CEP295: variants seen among roughly 807,000 people sequenced by gnomAD.
CEP295 encodes the protein centrosomal protein 295, also known as centrosomal protein of 295 kDa.
In CEP295, 190 loss-of-function variants were observed where a neutral mutation model predicts 291.6. The ratio of observed to expected loss-of-function variants is 0.65; its 90% CI spans 0.58 to 0.73. The LOEUF (loss-of-function observed/expected upper bound fraction) is 0.73. CEP295 is among the 30% of genes least tolerant of loss of function. CEP295 has a pLI of 0.00. For synonymous variants in CEP295, 993 were observed against 1,038.8 expected (o/e 0.96, Z 0.85); for missense variants, 2,863 against 2,949.4 (o/e 0.97, Z 0.68).
chr11:93,690,025 C>T (rs1951438186), intron 10 of CEP295, among the ~76,000 whole-genome samples: 1 of 152,092 alleles, frequency 6.6e-6, no homozygotes, highest in African/African-American at 2.4e-5. Context: ...ATAGCAAAGT[C>T]AGTAAAAGGA....
At chr11:93,722,952 C>T (rs1953855141) in intron 20 of CEP295, 89 bp from the exon 21 acceptor site, 3 of 1,006,752 alleles carry the variant, frequency 3.0e-6, no homozygotes, top group Non-Finnish European at 4.3e-6. Context: ...TCGTGATCCA[C>T]CCACCTCGGC....
intron 26 of CEP295, 26 bp downstream of exon 26, chr11:93,729,556 T>G: frequency 6.5e-7 from 1 of 1,549,850 alleles, no homozygotes; most frequent in South Asian, 1.2e-5. Context: ...CCTCCACACT[T>G]CTAATGGAAA....
At position 93,699,506 on chromosome 11, in the gene CEP295, C is replaced by T. The variant is rs1952022755; in HGVS notation, c.4594C>T (p.Gln1532Ter). Residue 1532 changes from glutamine (Q) to a stop codon, truncating the protein, a stop_gained, in exon 15 of 30, where the codon CAA (glutamine) becomes TAA (stop). Transcript: ENST00000325212. LOFTEE classifies it high-confidence loss of function. The stretch of plus-strand genomic sequence containing the variant: ...GGAAGTCCAAGAAGAATTGCTTTTG[C>T]AAAGATTAAGTGAATTGGAGAAAAG... ...IQEVQEELLL[Q>*]RLSELEKRVS... is the part of the protein sequence containing the mutation. The T allele has an allele frequency of 2.6e-6, 4 of 1,551,780 alleles. No individual in the cohort carries two copies. The highest frequency in any genetic ancestry group is 3.5e-6 in the Non-Finnish European group (4 of 1,147,038).
At position 93,730,032 on chromosome 11, in the gene CEP295, A is replaced by G. The variant is rs1938223330; in HGVS notation, c.7668-17A>G. The G allele has an allele frequency of 6.6e-7, 1 of 1,515,650 alleles. No homozygotes were observed. Among genetic ancestry groups the G allele is most frequent in the Admixed American group, 2.3e-5 (1 of 43,838 alleles). The allele number at this position is 1,515,650 out of a possible 1,614,324, so 93.9% of individuals were successfully genotyped here. ...TTTTGCAGTGTTTGTCTCTAATTCT[A>G]TATAAATTCTTTACAGGTTATACAA... On this transcript the variant is annotated splice_polypyrimidine_tract_variant and intron_variant, in intron 28 of 29. Coordinates refer to ENST00000325212, the MANE Select transcript of CEP295 (RefSeq NM_033395.2).
At chr11:93,708,024 ATTC>A (rs1385873152) in intron 18 of CEP295, among the ~76,000 whole-genome samples, 4 of 152,144 alleles carry the variant, frequency 2.6e-5, no homozygotes, top group South Asian at 2.1e-4. Flanking sequence ...AAAACAGATT[ATTC>A]TTTTTTTAAT....
chr11:93,698,436 T>TA lies in CEP295; in HGVS notation c.3526dup (p.Ile1176AsnfsTer5), dbSNP rs1275274969. The TA allele has an allele frequency of 6.4e-7, 1 of 1,551,940 alleles. No homozygotes were observed. The highest frequency in any genetic ancestry group is 8.7e-7 in the Non-Finnish European group (1 of 1,147,016). On this transcript the variant is annotated frameshift_variant, in exon 15 of 30. Transcript: ENST00000325212. LOFTEE classifies it high-confidence loss of function. Reference sequence around the variant, plus strand: ...CAAGAACAGTCACAAATACAAAGGGTAATACTTGGTGCTAAAGAAGGAACT... The same window carrying TA: ...CAAGAACAGTCACAAATACAAAGGGTAAATACTTGGTGCTAAAGAAGGAACT...
intron 5 of CEP295, among the ~76,000 whole-genome samples, chr11:93,670,682 G>A (rs1950399954): frequency 6.6e-6 from 1 of 152,002 alleles, no homozygotes; most frequent in Non-Finnish European, 1.5e-5. Context: ...AAATTCAGAC[G>A]GAAAAGTTGT....
intron 19 of CEP295, 39 bp from the exon 20 acceptor site, chr11:93,721,915 C>CT: frequency 7.0e-7 from 1 of 1,423,310 alleles, no homozygotes; most frequent in Non-Finnish European, 9.9e-7. Flanking sequence ...TTACATACTA[C>CT]TTGCTACATT....
chr11:93,687,614 A>G, intron 9 of CEP295, 30 bp from the exon 10 acceptor site: 1 of 1,253,746 alleles, frequency 8.0e-7, no homozygotes, highest in Non-Finnish European at 1.1e-6. Flanking sequence ...TAGATGCTAA[A>G]TAAGTTTTTT....
At chr11:93,725,871 A>AT (rs1261376694) in intron 23 of CEP295, 40 bp downstream of exon 23, 1 of 1,492,000 alleles carries the variant, frequency 6.7e-7, no homozygotes, top group South Asian at 1.2e-5. Flanking sequence ...TTTTTCCATG[A>AT]TTTTTTACAT....
chr11:93,695,656 C>T, intron 13 of CEP295, 22 bp downstream of exon 13: 1 of 1,482,730 alleles, frequency 6.7e-7, no homozygotes, highest in Non-Finnish European at 8.9e-7. Flanking sequence ...AAAATCTCAT[C>T]ACTACATAAA....
intron 3 of CEP295, among the ~76,000 whole-genome samples, chr11:93,668,228 A>G (rs1322118027): frequency 6.6e-6 from 1 of 152,160 alleles, no homozygotes; most frequent in African/African-American, 2.4e-5. Context: ...ATTGTGATTT[A>G]TGATGTGGAA....
intron 5 of CEP295, among the ~76,000 whole-genome samples, chr11:93,672,143 G>A (rs182379492): frequency 1.3e-5 from 2 of 152,296 alleles, no homozygotes; most frequent in Admixed American, 6.5e-5. Context: ...GCGATAACCA[G>A]AGTTTATGTC....
intron 17 of CEP295, among the ~76,000 whole-genome samples, chr11:93,703,477 T>C (rs4303196): frequency 0.9 from 137,041 of 151,884 alleles, 62,975 homozygotes; most frequent in Non-Finnish European, 0.99. Context: ...CAACTTATTG[T>C]AGGCAAAAAT....
intron 7 of CEP295, 89 bp downstream of exon 7, chr11:93,679,641 A>T (rs1950865783): frequency 8.9e-7 from 1 of 1,128,322 alleles, no homozygotes; most frequent in Non-Finnish European, 1.2e-6. Context: ...AAAGAAAGGT[A>T]GGAAGGGTGG....
intron 19 of CEP295, 97 bp from the exon 20 acceptor site, chr11:93,721,857 C>T (rs377182051): frequency 2.5e-6 from 2 of 803,492 alleles, no homozygotes; most frequent in South Asian, 1.4e-5. Context: ...CTACACTTGA[C>T]CTGAGCTCAG....
Position 93,729,651 on chromosome 11 carries a change from A to T in CEP295, c.7437A>T (p.Leu2479Phe). The change falls in exon 27 of 30, where the codon TTA becomes TTT. Residue 2479 changes from leucine (L) to phenylalanine (F), a missense_variant. Leu to Phe is a conservative substitution (Grantham distance 22). Around this residue, in one of 3 missense-constraint regions of CEP295, gnomAD observed 2,295 missense variants for 2,335.7 expected, o/e 0.98. Transcript: ENST00000325212. ...PRRLTPVPGS[L>F]QEAFIKRKKS... ...GGCTTACACCTGTACCAGGGAGCTT[A>T]CAAGAAGCATTTATAAAGAGGAAAA... is the stretch of plus-strand genomic sequence containing the variant. The T allele has an allele frequency of 2.6e-6, 4 of 1,550,750 alleles. No homozygotes were observed. The highest frequency in any genetic ancestry group is 3.5e-6 in the Non-Finnish European group (4 of 1,146,764).
At chr11:93,728,611 A>G in intron 24 of CEP295, 70 bp from the exon 25 acceptor site, 6 of 1,385,252 alleles carry the variant, frequency 4.3e-6, no homozygotes, top group Non-Finnish European at 5.7e-6. Context: ...TGTGCATTAT[A>G]TACAAAACGA....
At chr11:93,719,684 C>T (rs1295522763) in intron 18 of CEP295, 1 of 151,878 alleles carries the variant, frequency 6.6e-6, no homozygotes, top group East Asian at 1.9e-4. Context: ...ATTCTTTTCC[C>T]TGTTCTCACT....
Sources: allele counts gnomAD v4.1 joint callset (sites outside exome capture counted in the v4.1 genomes callset), GRCh38; gene constraint gnomAD v4.1.1; regional missense constraint gnomAD v4.1.1; transcripts MANE v1.5; gene names NCBI Gene and HGNC (gene_info 2026-07-23, HGNC 2026-07-21).